SLCO1B1: variants seen among roughly 807,000 people sequenced by gnomAD.
SLCO1B1 encodes the protein OATP-2.
SLCO1B1 carries 81 observed loss-of-function variants against 70.1 expected under a neutral mutation model. The ratio of observed to expected loss-of-function variants is 1.16; its 90% confidence interval spans 0.97 to 1.39. SLCO1B1 has a LOEUF of 1.39. Among genes scored for constraint, SLCO1B1 ranks in the 40% most tolerant of loss-of-function variants. SLCO1B1 has a pLI of 0.00. For synonymous variants in SLCO1B1, 283 were observed against 271.5 expected, an observed-to-expected ratio of 1.04 and a Z score of -0.42; for missense variants, 895 against 799.6, an observed-to-expected ratio of 1.12 and a Z score of -1.44.
At chr12:21,185,154 C>T (rs1482759051) in intron 7 of SLCO1B1, among the ~76,000 whole-genome samples, 2 of 152,054 alleles carry the variant, frequency 1.3e-5, no homozygotes, top group Admixed American at 6.6e-5. Flanking sequence ...CAGACAGCCA[C>T]ACCATGATAG....
At chr12:21,147,015 G>A (rs1480853052) in intron 2 of SLCO1B1, among the ~76,000 whole-genome samples, 1 of 152,108 alleles carries the variant, frequency 6.6e-6, no homozygotes, top group Non-Finnish European at 1.5e-5. Flanking sequence ...CTAGAGAGAT[G>A]TAGAGTCTCC....
chr12:21,163,797 A>C (rs1373196570), intron 2 of SLCO1B1, among the ~76,000 whole-genome samples: 1 of 152,152 alleles, frequency 6.6e-6, no homozygotes, highest in African/African-American at 2.4e-5. Flanking sequence ...ATACCATCAC[A>C]TTGGGTTAGG....
chr12:21,209,205 C>T (rs1421570815), intron 11 of SLCO1B1, among the ~76,000 whole-genome samples: 4 of 151,866 alleles, frequency 2.6e-5, no homozygotes, highest in Non-Finnish European at 4.4e-5. Context: ...CTATCCCTCC[C>T]CCCTCCTCCC....
At chr12:21,230,296 T>C (rs1941520323) in intron 14 of SLCO1B1, among the ~76,000 whole-genome samples, 1 of 151,442 alleles carries the variant, frequency 6.6e-6, no homozygotes, top group African/African-American at 2.4e-5. Context: ...GCGTCTATGT[T>C]CATGAGAGAA....
chr12:21,174,725 A>G lies in SLCO1B1; in HGVS notation c.359+16A>G. On this transcript the variant is annotated intron_variant, in intron 4 of 14. Transcript: ENST00000256958. ...TCATGGGATAGTAAGTGTTAAAAAA[A>G]AAAAAAACCTCTGTGCCACTATCAG... is the stretch of plus-strand genomic sequence containing the variant. 1 of 1,608,710 alleles carries G rather than the reference A, an allele frequency of 6.2e-7. No homozygotes were observed. The highest frequency in any genetic ancestry group is 8.5e-7 in the Non-Finnish European group (1 of 1,178,886).
At chr12:21,211,134 G>A (rs1183451749) in intron 11 of SLCO1B1, among the ~76,000 whole-genome samples, 1 of 152,118 alleles carries the variant, frequency 6.6e-6, no homozygotes, top group Non-Finnish European at 1.5e-5. Context: ...TCCCTGTTTT[G>A]TGCCAGTTTT....
intron 2 of SLCO1B1, among the ~76,000 whole-genome samples, chr12:21,148,550 G>T (rs138404724): frequency 2.0e-5 from 3 of 152,170 alleles, no homozygotes; most frequent in African/African-American, 7.2e-5. Flanking sequence ...TGAGGTCTCT[G>T]TTCTGTTCCA....
chr12:21,229,456 G>A (rs181127073), intron 14 of SLCO1B1, among the ~76,000 whole-genome samples: 175 of 152,156 alleles, frequency 1.2e-3, no homozygotes, highest in Admixed American at 4.3e-3. Context: ...ATAGTTTTGC[G>A]TTTTCCAGAA....
intron 10 of SLCO1B1, among the ~76,000 whole-genome samples, chr12:21,203,420 G>A (rs904310376): frequency 6.6e-6 from 1 of 151,842 alleles, no homozygotes; most frequent in East Asian, 1.9e-4. Flanking sequence ...CCTGAATATA[G>A]CCAACAATTT....
intron 14 of SLCO1B1, among the ~76,000 whole-genome samples, chr12:21,231,077 G>A (rs1360811442): frequency 6.7e-6 from 1 of 149,568 alleles, no homozygotes; most frequent in East Asian, 2.0e-4. Flanking sequence ...GTGGCATTTG[G>A]TTTTTTTGTC....
At chr12:21,139,576 A>G (rs1940278787) in intron 1 of SLCO1B1, among the ~76,000 whole-genome samples, 1 of 152,138 alleles carries the variant, frequency 6.6e-6, no homozygotes, top group South Asian at 2.1e-4. Flanking sequence ...CCCTTGTTGA[A>G]TAAATTAGTG....
At chr12:21,165,485 G>A (rs529957154) in intron 2 of SLCO1B1, among the ~76,000 whole-genome samples, 1 of 151,956 alleles carries the variant, frequency 6.6e-6, no homozygotes, top group Non-Finnish European at 1.5e-5. Flanking sequence ...TAATCCCCAA[G>A]CTTAGAACAA....
chr12:21,145,283 T>A (rs1459724203), intron 2 of SLCO1B1, among the ~76,000 whole-genome samples: 1 of 151,982 alleles, frequency 6.6e-6, no homozygotes. Context: ...CTCAATAAAT[T>A]GGAAAGTTCC....
intron 2 of SLCO1B1, among the ~76,000 whole-genome samples, chr12:21,163,903 T>C (rs993037719): frequency 6.6e-6 from 1 of 150,558 alleles, no homozygotes; most frequent in African/African-American, 2.4e-5. Flanking sequence ...AGCAAGAGTA[T>C]GTAGAGTAAA....
At chr12:21,158,458 G>C (rs1039195654) in intron 2 of SLCO1B1, among the ~76,000 whole-genome samples, 2 of 152,174 alleles carry the variant, frequency 1.3e-5, no homozygotes, top group African/African-American at 4.8e-5. Context: ...CACTTTGGGA[G>C]GCCAAGGCGG....
intron 2 of SLCO1B1, among the ~76,000 whole-genome samples, chr12:21,161,162 T>C (rs1387777208): frequency 6.6e-6 from 1 of 152,172 alleles, no homozygotes; most frequent in African/African-American, 2.4e-5. Flanking sequence ...TCACTGTGTA[T>C]ATACACCCAG....
chr12:21,227,685 A>G (rs775641711), intron 14 of SLCO1B1, among the ~76,000 whole-genome samples: 4 of 152,126 alleles, frequency 2.6e-5, no homozygotes, highest in Non-Finnish European at 5.9e-5. Context: ...ATCATCATGT[A>G]TTTCCAGGAC....
Position 21,202,362 on chromosome 12 carries a change from A to G in SLCO1B1, c.1136-129A>G, listed in dbSNP as rs1428667483. 9.1e-6 allele frequency: 6 copies of G among 659,140 alleles called. No homozygotes were observed. The African/African-American group carries it at 1.1e-4, about 12-fold the overall frequency. The allele number at this position is 659,140 out of a possible 1,614,324, so 40.8% of individuals were successfully genotyped here. On this transcript the variant is annotated intron_variant, in intron 9 of 14. Transcript: ENST00000256958. Reference sequence around the variant, plus strand: ...TGCACATTCTGCACATGTATCCCAGAACTTAAAGTAAAATTTTAAAAAGAA... The same window carrying G: ...TGCACATTCTGCACATGTATCCCAGGACTTAAAGTAAAATTTTAAAAAGAA...
intron 2 of SLCO1B1, among the ~76,000 whole-genome samples, chr12:21,155,197 G>T (rs779600701): frequency 1.3e-5 from 2 of 149,432 alleles, no homozygotes; most frequent in Non-Finnish European, 1.5e-5. Context: ...CTCATTTTAA[G>T]GCATTAATAA....
Sources: allele counts gnomAD v4.1 joint callset (sites outside exome capture counted in the v4.1 genomes callset), GRCh38; gene constraint gnomAD v4.1.1; transcripts MANE v1.5; gene names NCBI Gene and HGNC (gene_info 2026-07-23, HGNC 2026-07-21).